Variants in GPR153 observed in about 807,000 individuals in gnomAD.
The protein encoded by GPR153 is probable G protein-coupled receptor 153.
A neutral mutation model predicts 34.1 loss-of-function variants in GPR153; 27 were observed. That is an observed-to-expected ratio of 0.79 (90% CI 0.58 to 1.09). The LOEUF is 1.09. GPR153 is among the 50% of genes least tolerant of loss of function. The probability of loss-of-function intolerance (pLI) is 0.00; values close to 1 mark genes in which losing one functional copy is unlikely to be tolerated. For synonymous variants in GPR153, 408 were observed against 405.4 expected (o/e 1.01, Z -0.08); for missense variants, 848 against 860.2 (o/e 0.99, Z 0.18).
In GPR153 at chr1:6,251,807, C is replaced by T. The variant is rs138095738; in HGVS notation, c.787-277G>A. On this transcript the variant is annotated intron_variant, in intron 3 of 5. Coordinates refer to ENST00000377893, the MANE Select transcript of GPR153 (RefSeq NM_207370.4). The surrounding 1 kb of genome is among the most constrained non-coding windows in gnomAD (Gnocchi z 4.9). Reference sequence around the variant, plus strand: ...GGCATGGATTACCACCTCCTCCCCGCTTTGTTTTGAGACAGTCTCATTCTG... The same window carrying T: ...GGCATGGATTACCACCTCCTCCCCGTTTTGTTTTGAGACAGTCTCATTCTG... 3.9e-5 allele frequency among the ~76,000 whole-genome samples: 6 copies of T among 152,312 alleles called. No homozygotes were observed. In the East Asian group the frequency reaches 1.2e-3, roughly 29 times the overall value.
intron 3 of GPR153, among the ~76,000 whole-genome samples, chr1:6,252,925 C>T (rs1448001266): frequency 2.6e-5 from 4 of 152,142 alleles, no homozygotes; most frequent in Non-Finnish European, 5.9e-5. Flanking sequence ...CTTCCCCAGC[C>T]GTTAGTATCA....
At chr1:6,252,395 C>T (rs886961242) in intron 3 of GPR153, among the ~76,000 whole-genome samples, 1 of 152,152 alleles carries the variant, frequency 6.6e-6, no homozygotes. Flanking sequence ...TGACTCCCTC[C>T]CAGCCCCGCC....
chr1:6,251,606 C>T lies in GPR153; in HGVS notation c.787-76G>A. Reference sequence around the variant, plus strand: ...CAAGCTCCCCCTGAGTCTCGGTCTCCCCATGTGTACGGCAGGTCTGACAGG... The same window carrying T: ...CAAGCTCCCCCTGAGTCTCGGTCTCTCCATGTGTACGGCAGGTCTGACAGG... On this transcript the variant is annotated intron_variant, in intron 3 of 5. Coordinates refer to ENST00000377893, the MANE Select transcript of GPR153 (RefSeq NM_207370.4). This position sits in a 1 kb window ranked among gnomAD's most constrained non-coding sequence, Gnocchi z 4.9. The T allele has an allele frequency of 7.0e-7, 1 of 1,426,598 alleles. No homozygotes were observed. Among genetic ancestry groups the T allele is most frequent in the Non-Finnish European group, 9.3e-7 (1 of 1,074,488 alleles). The allele number at this position is 1,426,598 out of a possible 1,614,324, so 88.4% of individuals were successfully genotyped here.
At position 6,261,027 on chromosome 1, in the gene GPR153, C is replaced by T. The variant is rs1188778421; in HGVS notation, c.-312G>A. ...GGTGGGCTCGGCCCCGCCGCCCCTC[C>T]CTCCCCTAGGCGCCGCCGCCGCCGC... is the stretch of plus-strand genomic sequence containing the variant. On this transcript the variant is annotated 5_prime_UTR_variant, in exon 1 of 6. Coordinates refer to ENST00000377893, the MANE Select transcript of GPR153 (RefSeq NM_207370.4). 6.8e-6 allele frequency: 1 copy of T among 147,160 alleles called. No individual in the cohort carries two copies. The highest frequency in any genetic ancestry group is 1.5e-5 in the Non-Finnish European group (1 of 66,078). 9.1% of individuals were successfully genotyped at this position (147,160 alleles called of 1,614,324 possible). A position where few individuals can be genotyped will look rare whatever the true frequency, so the allele number is the denominator to read the frequency against.
rs375203706 is a variant in GPR153 at position 6,251,361 on chromosome 1, G to T, written c.956C>A (p.Ala319Asp). ...ACCATCGTCTGACTCCTCGTCGTTG[G>T]CCATGAGGGCCATGCACTTCTCCCG... Reference protein sequence around the residue: ...AVREKCMALMANDEESDDETS... With the variant: ...AVREKCMALMDNDEESDDETS... The change falls in exon 4 of 6, where the codon GCC becomes GAC. Residue 319 changes from alanine (A) to aspartate (D), a missense_variant. Ala to Asp is a moderately radical substitution (Grantham distance 126). Transcript: ENST00000377893. The surrounding 1 kb of genome is among the most constrained non-coding windows in gnomAD (Gnocchi z 4.9). 8.7e-6 allele frequency: 14 copies of T among 1,609,768 alleles called. No individual in the cohort carries two copies. The highest frequency in any genetic ancestry group is 1.0e-5 in the Non-Finnish European group (12 of 1,177,488).
rs1357991747 is a variant in GPR153 at position 6,249,805 on chromosome 1, G to A, written c.1363C>T (p.Arg455Cys). Residue 455 changes from arginine to cysteine, a missense_variant, in exon 6 of 6, where the codon CGC becomes TGC. By Grantham distance (180) the Arg-to-Cys change is radical (BLOSUM62 -3). Transcript: ENST00000377893. The surrounding 1 kb of genome is among the most constrained non-coding windows in gnomAD (Gnocchi z 4.3). ...AGCGACAGCAGGCTCTCGGCCGAGC[G>A]GCGGCGCGCGCGGGACGGTGGTGCG... is the stretch of plus-strand genomic sequence containing the variant. ...EDAPPSRARR[R>C]SAESLLSLRP... is the part of the protein sequence containing the mutation. The A allele has an allele frequency of 3.4e-6, 4 of 1,193,236 alleles. No individual in the cohort carries two copies. In the African/African-American group the frequency reaches 6.4e-5, roughly 19 times the overall value. 73.9% of individuals were successfully genotyped at this position (1,193,236 alleles called of 1,614,324 possible).
In GPR153 at chr1:6,249,965, G is replaced by A. The variant is rs1207143191; in HGVS notation, c.1203C>T (p.Asp401=). ...CGGGCAGCGGGACGGCGGCCCACACGTCCGCATCGTCGTGGGAGAAGCGCC... is the reference window on the plus strand; with the variant it reads ...CGGGCAGCGGGACGGCGGCCCACACATCCGCATCGTCGTGGGAGAAGCGCC... ...PTRRFSHDDA[D]VWAAVPLPAF... Residue 401 remains aspartate, a synonymous_variant, in exon 6 of 6, where the codon GAC becomes GAT. Transcript: ENST00000377893. The surrounding 1 kb of genome is among the most constrained non-coding windows in gnomAD (Gnocchi z 4.3). 2.3e-6 allele frequency: 3 copies of A among 1,279,708 alleles called. No individual in the cohort carries two copies. The highest frequency in any genetic ancestry group is 3.0e-6 in the Non-Finnish European group (3 of 1,007,770). 79.3% of individuals were successfully genotyped at this position (1,279,708 alleles called of 1,614,324 possible).
At position 6,249,234 on chromosome 1, in the gene GPR153, G is replaced by T. The variant is rs1638373202; in HGVS notation, c.*104C>A. On this transcript the variant is annotated 3_prime_UTR_variant, in exon 6 of 6. Coordinates refer to ENST00000377893, the MANE Select transcript of GPR153 (RefSeq NM_207370.4). This position sits in a 1 kb window ranked among gnomAD's most constrained non-coding sequence, Gnocchi z 4.3. ...GCCAACGCCCCCTCACCCCTGGGAG[G>T]GGTGGCGCATGTCTGCGCGCGGGGC... 3.6e-6 allele frequency: 3 copies of T among 830,100 alleles called. No individual in the cohort carries two copies. Among genetic ancestry groups the T allele is most frequent in the Admixed American group, 4.4e-5 (1 of 22,706 alleles). 51.4% of individuals were successfully genotyped at this position (830,100 alleles called of 1,614,324 possible). A position where few individuals can be genotyped will look rare whatever the true frequency, so the allele number is the denominator to read the frequency against.
chr1:6,254,583 C>A lies in GPR153; in HGVS notation c.323G>T (p.Arg108Leu). ...GACAGGCCAGCAGACCATCCACATG[C>A]GGTGGTAGGAGAGGGAGGTGACAGA... ...CFSVTSLSYH[R>L]MWMVCWPVNY... is the part of the protein sequence containing the mutation. Residue 108 changes from arginine to leucine, a missense_variant, in exon 2 of 6, where the codon CGC becomes CTC. Physicochemically the swap from Arg to Leu is moderately radical, Grantham distance 102. Transcript: ENST00000377893. 1 of 1,594,138 alleles carries A rather than the reference C, an allele frequency of 6.3e-7. No individual in the cohort carries two copies. The highest frequency in any genetic ancestry group is 1.1e-5 in the South Asian group (1 of 87,298).
chr1:6,251,010 G>A lies in GPR153; in HGVS notation c.979+328C>T, dbSNP rs143125227. Reference sequence around the variant, plus strand: ...GGACCTCGGTCTGCAGGAGCCCCCAGGGCAGCTTGCTGGGGATCCCTGAGG... The same window carrying A: ...GGACCTCGGTCTGCAGGAGCCCCCAAGGCAGCTTGCTGGGGATCCCTGAGG... On this transcript the variant is annotated intron_variant, in intron 4 of 5. Transcript: ENST00000377893. The surrounding 1 kb of genome is among the most constrained non-coding windows in gnomAD (Gnocchi z 4.9). 8.4e-3 allele frequency among the ~76,000 whole-genome samples: 1,282 copies of A among 152,158 alleles called. 5 individuals are homozygous for A. The highest frequency in any genetic ancestry group is 0.013 in the Non-Finnish European group (900 of 67,984).
intron 1 of GPR153, among the ~76,000 whole-genome samples, chr1:6,259,689 G>A (rs1343589663): frequency 6.6e-6 from 1 of 152,148 alleles, no homozygotes; most frequent in African/African-American, 2.4e-5. Flanking sequence ...GGAGAGGAAC[G>A]TCCTGGGGGA....
In GPR153 at chr1:6,249,682, C is replaced by T; in HGVS notation, c.1486G>A (p.Ala496Thr). Residue 496 changes from alanine to threonine, a missense_variant, in exon 6 of 6, where the codon GCC becomes ACC. Physicochemically the swap from Ala to Thr is moderately conservative, Grantham distance 58. Transcript: ENST00000377893. The surrounding 1 kb of genome is among the most constrained non-coding windows in gnomAD (Gnocchi z 4.3). ...RPGPGPRSAS[A>T]SLLPDAFALT... ...GCGAAGGCGTCGGGCAGCAGCGAGG[C>T]CGAGGCGGAGCGGGGGCCGGGCCCG... 1 of 1,057,776 alleles carries T rather than the reference C, an allele frequency of 9.5e-7. No homozygotes were observed. The highest frequency in any genetic ancestry group is 5.5e-5 in the Admixed American group (1 of 18,300). The allele number at this position is 1,057,776 out of a possible 1,614,324, so 65.5% of individuals were successfully genotyped here.
At chr1:6,253,609 G>C in intron 3 of GPR153, 109 bp downstream of exon 3, 2 of 982,422 alleles carry the variant, frequency 2.0e-6, no homozygotes, top group African/African-American at 3.3e-5. Flanking sequence ...CGATGATCAA[G>C]CCCATCTCAA....
rs779771515 is a variant in GPR153, at chr1:6,254,829, G to T, written c.77C>A (p.Ala26Asp). The T allele has an allele frequency of 1.2e-6, 2 of 1,610,950 alleles. No homozygotes were observed. The highest frequency in any genetic ancestry group is 1.7e-6 in the Non-Finnish European group (2 of 1,178,850). Residue 26 changes from alanine to aspartate, a missense_variant, in exon 2 of 6, where the codon GCC becomes GAC. Coordinates refer to ENST00000377893, the MANE Select transcript of GPR153 (RefSeq NM_207370.4). The stretch of plus-strand genomic sequence containing the variant: ...GGCGCCAACGCTGAGGATGCCCCAG[G>T]CATTGGCCAGCAGGGAGAGGCCCCC... Reference protein sequence around the residue: ...VCGGLSLLANAWGILSVGAKQ... With the variant: ...VCGGLSLLANDWGILSVGAKQ...
chr1:6,255,593 G>A lies in GPR153; in HGVS notation c.-109-579C>T, dbSNP rs1331674524. 2.1e-5 allele frequency among the ~76,000 whole-genome samples: 3 copies of A among 141,428 alleles called. No homozygotes were observed. The Admixed American group carries it at 2.2e-4, about 11-fold the overall frequency. The allele number at this position is 141,428 out of a possible 152,430, so 92.8% of individuals were successfully genotyped here. ...GGGCTCAAGGGATCCTCCCCACTCAGCCTTCCAAGTAGCTGGGACTACAGG... is the reference window on the plus strand; with the variant it reads ...GGGCTCAAGGGATCCTCCCCACTCAACCTTCCAAGTAGCTGGGACTACAGG... On this transcript the variant is annotated intron_variant, in intron 1 of 5. Transcript: ENST00000377893.
intron 1 of GPR153, among the ~76,000 whole-genome samples, chr1:6,256,174 CAAG>C (rs1478168832): frequency 6.6e-6 from 1 of 152,096 alleles, no homozygotes; most frequent in Non-Finnish European, 1.5e-5. Context: ...AGTTCTCTCT[CAAG>C]GAGCTTTCCC....
chr1:6,260,306 G>C (rs1191330651), intron 1 of GPR153, among the ~76,000 whole-genome samples: 1 of 151,334 alleles, frequency 6.6e-6, no homozygotes, highest in Non-Finnish European at 1.5e-5. Context: ...CGCGCAGCGC[G>C]AGGCCTGGAC....
chr1:6,250,205 G>A (rs896983441), intron 5 of GPR153: 1 of 985,430 alleles, frequency 1.0e-6, no homozygotes, highest in Non-Finnish European at 1.2e-6. Context: ...TGGGGAGGGC[G>A]CTCGTTGAGG....
rs761321022 is a variant in GPR153 at position 6,254,851 on chromosome 1, C to G, written c.55G>C (p.Gly19Arg). Residue 19 changes from glycine to arginine, a missense_variant, in exon 2 of 6, where the codon GGC (glycine) becomes CGC (arginine). Transcript: ENST00000377893. The stretch of plus-strand genomic sequence containing the variant: ...CAGGCATTGGCCAGCAGGGAGAGGC[C>G]CCCACATACCAGCCAGCCCACTGCA... Reference protein sequence around the residue: ...GSAVGWLVCGGLSLLANAWGI... With the variant: ...GSAVGWLVCGRLSLLANAWGI... The G allele has an allele frequency of 2.5e-6, 4 of 1,604,694 alleles. No individual in the cohort carries two copies. The highest frequency in any genetic ancestry group is 3.4e-6 in the Non-Finnish European group (4 of 1,175,564).
Sources: gnomAD v4.1 joint callset for allele counts (sites outside exome capture counted in the v4.1 genomes callset) on GRCh38, gnomAD v4.1.1 for gene constraint, Gnocchi (gnomAD v3.1) non-coding constraint, MANE v1.5 for transcripts, NCBI Gene and HGNC (gene_info 2026-07-23, HGNC 2026-07-21) for gene names.